PPP1R12A: variants seen among roughly 807,000 people sequenced by gnomAD.
The protein encoded by PPP1R12A is protein phosphatase 1 regulatory subunit 12A, also known as myosin binding subunit.
PPP1R12A carries 19 observed loss-of-function variants against 139.6 expected under a neutral mutation model. That is an observed-to-expected ratio of 0.14 (90% confidence interval 0.09 to 0.20). The LOEUF is 0.20. Ranked by LOEUF, PPP1R12A falls within the 10% of genes least tolerant of loss-of-function variation. The probability of loss-of-function intolerance (pLI) is 1.00; values close to 1 mark genes in which losing one functional copy is unlikely to be tolerated. For missense variants in PPP1R12A, 925 were observed against 1,211.5 expected (o/e 0.76, Z 3.51); for synonymous variants, 427 against 420.6 (o/e 1.02, Z -0.19).
At chr12:79,805,469 G>T in intron 14 of PPP1R12A, 123 bp downstream of exon 14, 3 of 807,398 alleles carry the variant, frequency 3.7e-6, no homozygotes, top group Admixed American at 3.0e-5. Context: ...AGCTGACAGG[G>T]TATTTCATTT....
chr12:79,849,634 C>A (rs1406593857), intron 2 of PPP1R12A, among the ~76,000 whole-genome samples: 2 of 152,082 alleles, frequency 1.3e-5, no homozygotes, highest in Non-Finnish European at 2.9e-5. Context: ...AACAAAAAAA[C>A]AGATTTTCAC....
chr12:79,781,776 G>A (rs1870478894), intron 23 of PPP1R12A, 39 bp downstream of exon 23: 4 of 1,290,496 alleles, frequency 3.1e-6, no homozygotes, highest in Admixed American at 5.3e-5. Flanking sequence ...CCTAAAACAA[G>A]AAAGAAAAAA....
intron 15 of PPP1R12A, 31 bp from the exon 16 acceptor site, chr12:79,797,426 G>C (rs1334092610): frequency 1.3e-6 from 2 of 1,521,812 alleles, no homozygotes; most frequent in East Asian, 4.6e-5. Flanking sequence ...ATATAATTAT[G>C]AGATGCATTA....
chr12:79,864,641 T>C (rs1881755692), intron 2 of PPP1R12A, among the ~76,000 whole-genome samples: 1 of 152,270 alleles, frequency 6.6e-6, no homozygotes, highest in Non-Finnish European at 1.5e-5. Context: ...GAAGTGGTCA[T>C]CACCACCAAT....
At chr12:79,820,015 A>G (rs1473066157) in intron 8 of PPP1R12A, among the ~76,000 whole-genome samples, 1 of 151,652 alleles carries the variant, frequency 6.6e-6, no homozygotes, top group Non-Finnish European at 1.5e-5. Context: ...AAAAAGATGT[A>G]TAACAATTCC....
intron 2 of PPP1R12A, among the ~76,000 whole-genome samples, chr12:79,848,546 A>C (rs1879673608): frequency 6.6e-6 from 1 of 152,178 alleles, no homozygotes; most frequent in Non-Finnish European, 1.5e-5. Flanking sequence ...ATAAACAGGA[A>C]GGATGTTAAG....
At chr12:79,922,463 C>T (rs1301755413) in intron 1 of PPP1R12A, among the ~76,000 whole-genome samples, 1 of 152,012 alleles carries the variant, frequency 6.6e-6, no homozygotes, top group Non-Finnish European at 1.5e-5. Flanking sequence ...CAATGATGAA[C>T]TGGATAAAGA....
intron 3 of PPP1R12A, among the ~76,000 whole-genome samples, chr12:79,843,905 A>G: frequency 6.6e-6 from 1 of 151,888 alleles, no homozygotes; most frequent in African/African-American, 2.4e-5. Context: ...GGGTTTCACC[A>G]TGTTGGTCAG....
chr12:79,873,333 A>G (rs1175394341), intron 1 of PPP1R12A, among the ~76,000 whole-genome samples: 1 of 152,036 alleles, frequency 6.6e-6, no homozygotes, highest in Non-Finnish European at 1.5e-5. Flanking sequence ...TCAAGAAAAA[A>G]CTAAGATGTC....
At chr12:79,913,278 G>T (rs1282851597) in intron 1 of PPP1R12A, among the ~76,000 whole-genome samples, 1 of 152,158 alleles carries the variant, frequency 6.6e-6, no homozygotes, top group East Asian at 1.9e-4. Context: ...CTACCCGAAG[G>T]TTATGAAGAT....
At chr12:79,795,427 G>T (rs1266658417) in intron 18 of PPP1R12A, among the ~76,000 whole-genome samples, 1 of 151,958 alleles carries the variant, frequency 6.6e-6, no homozygotes, top group Non-Finnish European at 1.5e-5. Flanking sequence ...CCATAATTAG[G>T]TCAGAACCAC....
chr12:79,796,149 ACT>A (rs1872488344), intron 17 of PPP1R12A, among the ~76,000 whole-genome samples: 1 of 152,180 alleles, frequency 6.6e-6, no homozygotes, highest in African/African-American at 2.4e-5. Flanking sequence ...ATTCTACATT[ACT>A]ACTGATATTA....
At chr12:79,809,284 T>C (rs1874235518) in intron 10 of PPP1R12A, among the ~76,000 whole-genome samples, 1 of 152,104 alleles carries the variant, frequency 6.6e-6, no homozygotes, top group Admixed American at 6.6e-5. Flanking sequence ...AATACTAGTA[T>C]TGAATAAACT....
chr12:79,863,181 G>T (rs961318014), intron 2 of PPP1R12A, among the ~76,000 whole-genome samples: 40 of 152,266 alleles, frequency 2.6e-4, no homozygotes, highest in East Asian at 1.5e-3. Context: ...TTAAAGAAAA[G>T]AATTTTCAAC....
intron 20 of PPP1R12A, among the ~76,000 whole-genome samples, 197 bp from the exon 21 acceptor site, chr12:79,788,980 A>G (rs1182223578): frequency 6.6e-6 from 1 of 152,148 alleles, no homozygotes. Context: ...TCTGCTGCCC[A>G]GCTTGGAGTG....
Position 79,810,006 on chromosome 12 carries a change from G to A in PPP1R12A, c.1244C>T (p.Pro415Leu), listed in dbSNP as rs1874323759. 1 of 1,606,364 alleles carries A rather than the reference G, an allele frequency of 6.2e-7. No individual in the cohort carries two copies. The highest frequency in any genetic ancestry group is 8.5e-7 in the Non-Finnish European group (1 of 1,176,470). ...GGGAGAAATTTTTGTAGCTGTGGTT[G>A]GAAACTGTGTTTATTTTATTTTTTA... is the stretch of plus-strand genomic sequence containing the variant. ...ATPTSPIKKF[P>L]TTATKISPKE... Residue 415 changes from proline (P) to leucine (L), a missense_variant, in exon 10 of 25, where the codon CCA becomes CTA. This residue lies in a region of PPP1R12A where 403 missense variants were observed against 463.7 expected (regional missense o/e 0.87). Coordinates refer to ENST00000450142, the MANE Select transcript of PPP1R12A (RefSeq NM_002480.3).
chr12:79,852,190 TTTC>T (rs1880123399), intron 2 of PPP1R12A, among the ~76,000 whole-genome samples: 2 of 149,468 alleles, frequency 1.3e-5, no homozygotes, highest in Non-Finnish European at 3.0e-5. Context: ...TTTCTTTTTC[TTTC>T]TTTTTTTTTT....
At position 79,808,491 on chromosome 12, in the gene PPP1R12A, T is replaced by C. The variant is rs1464987306; in HGVS notation, c.1542A>G (p.Lys514=). The C allele has an allele frequency of 1.3e-6, 2 of 1,595,306 alleles. No homozygotes were observed. The highest frequency in any genetic ancestry group is 1.7e-6 in the Non-Finnish European group (2 of 1,164,954). The change falls in exon 11 of 25, where the codon AAA becomes AAG. Residue 514 remains lysine (K), a synonymous_variant. Coordinates refer to ENST00000450142, the MANE Select transcript of PPP1R12A (RefSeq NM_002480.3). ...AATCAAAATAAACTCACCTGTTTTC[T>C]TTCTCTTCAATGTCAGATGTACTGG... ...RLASTSDIEE[K]ENRDSSSLRT...
intron 5 of PPP1R12A, among the ~76,000 whole-genome samples, chr12:79,826,487 T>C (rs2542816): frequency 0.19 from 29,083 of 151,718 alleles, 4,803 homozygotes; most frequent in African/African-American, 0.44. Context: ...TACAGGTGCA[T>C]ACCACAAAGC....
Sources: allele counts gnomAD v4.1 joint callset (sites outside exome capture counted in the v4.1 genomes callset), GRCh38; gene constraint gnomAD v4.1.1; regional missense constraint gnomAD v4.1.1; transcripts MANE v1.5; gene names NCBI Gene and HGNC (gene_info 2026-07-23, HGNC 2026-07-21).